Variants in SDK2 observed in about 807,000 individuals in gnomAD.
SDK2 encodes the protein sidekick cell adhesion molecule 2.
Under a neutral mutation model 253.9 loss-of-function variants are expected in SDK2, and 105 were observed. That is an observed-to-expected ratio of 0.41 (90% confidence interval 0.35 to 0.49). The LOEUF is 0.49. Ranked by LOEUF, SDK2 falls within the 20% of genes least tolerant of loss-of-function variation. SDK2 has a pLI of 0.06. For missense variants in SDK2, 2,608 were observed against 3,003.0 expected, an observed-to-expected ratio of 0.87 and a Z score of 3.07; for synonymous variants, 1,249 against 1,234.9, an observed-to-expected ratio of 1.01 and a Z score of -0.24.
chr17:73,462,029 G>A (rs2063566059), intron 3 of SDK2, among the ~76,000 whole-genome samples: 1 of 150,868 alleles, frequency 6.6e-6, no homozygotes, highest in Non-Finnish European at 1.5e-5. Context: ...ATGCATGTAT[G>A]TTTGTATGAT....
chr17:73,387,997 C>T lies in SDK2; in HGVS notation c.4233G>A (p.Glu1411=), dbSNP rs1447176338. 6.4e-7 allele frequency: 1 copy of T among 1,570,252 alleles called. No homozygotes were observed. Among genetic ancestry groups the T allele is most frequent in the Admixed American group, 1.9e-5 (1 of 53,216 alleles). ...QPPSRPMVQQ[E]DVRARSVLLS... is the part of the protein sequence containing the mutation. ...GCAGCACGCTGCGTGCTCTCACATC[C>T]TCCTGCTGCACCATCGGCCTGCTGG... Residue 1411 remains glutamate, a synonymous_variant, in exon 30 of 45, where the codon GAG becomes GAA. Transcript: ENST00000392650.
intron 18 of SDK2, among the ~76,000 whole-genome samples, chr17:73,407,169 CTG>C (rs1281487405): frequency 3.9e-5 from 6 of 152,230 alleles, no homozygotes; most frequent in Admixed American, 1.3e-4. Flanking sequence ...AGTGCTAAAA[CTG>C]TGGTATCTAA....
intron 1 of SDK2, among the ~76,000 whole-genome samples, chr17:73,585,939 A>G (rs1019389976): frequency 2.0e-5 from 3 of 152,216 alleles, no homozygotes; most frequent in Non-Finnish European, 4.4e-5. Context: ...GCATCCATAC[A>G]TATGTGTGTC....
At chr17:73,558,765 T>A (rs1476898435) in intron 1 of SDK2, among the ~76,000 whole-genome samples, 1 of 152,170 alleles carries the variant, frequency 6.6e-6, no homozygotes, top group Admixed American at 6.5e-5. Flanking sequence ...CCAAGCCATG[T>A]GTCTCTCCTA....
At chr17:73,434,636 C>T (rs1279680392) in intron 9 of SDK2, among the ~76,000 whole-genome samples, 1 of 152,146 alleles carries the variant, frequency 6.6e-6, no homozygotes, top group Non-Finnish European at 1.5e-5. Context: ...CTCACAGTAT[C>T]ATCTTTTTTC....
At chr17:73,598,258 G>C (rs371425736) in intron 1 of SDK2, among the ~76,000 whole-genome samples, 4 of 152,294 alleles carry the variant, frequency 2.6e-5, no homozygotes, top group Admixed American at 2.0e-4. Context: ...TGCTGGGTTT[G>C]GGAGACTCGG....
In SDK2 at chr17:73,455,941, G is replaced by T; in HGVS notation, c.444C>A (p.Phe148Leu). Residue 148 changes from phenylalanine to leucine, a missense_variant, in exon 4 of 45, where the codon TTC (phenylalanine) becomes TTA (leucine). Phe to Leu is a conservative substitution (Grantham distance 22). This residue lies in a region of SDK2 where 1,505 missense variants were observed against 1,859.1 expected (regional missense o/e 0.81). Transcript: ENST00000392650. The surrounding 1 kb of genome is among the most constrained non-coding windows in gnomAD (Gnocchi z 5.0). The stretch of plus-strand genomic sequence containing the variant: ...TGGGCGGGATCTTGCGGCCGTCCCG[G>T]AACCAGGTCACCTGTGGCTGGGGGA... ...ASFPQPQVTW[F>L]RDGRKIPPSS... 1 of 1,547,224 alleles carries T rather than the reference G, an allele frequency of 6.5e-7. No homozygotes were observed.
chr17:73,398,398 A>G lies in SDK2; in HGVS notation c.3125T>C (p.Leu1042Ser). Reference sequence around the variant, plus strand: ...CTCATTGGAGAGCTGGTGGATCAGCAACCACTCCTCTCCCTCCCCAACCAC... The same window carrying G: ...CTCATTGGAGAGCTGGTGGATCAGCGACCACTCCTCTCCCTCCCCAACCAC... ...VGVVGEGEEW[L>S]LIHQLSNEPD... The change falls in exon 23 of 45, where the codon TTG becomes TCG. Residue 1042 changes from leucine to serine, a missense_variant. By Grantham distance (145) the Leu-to-Ser change is moderately radical. Coordinates refer to ENST00000392650, the MANE Select transcript of SDK2 (RefSeq NM_001144952.2). 6.2e-7 allele frequency: 1 copy of G among 1,613,948 alleles called. No homozygotes were observed. The highest frequency in any genetic ancestry group is 8.5e-7 in the Non-Finnish European group (1 of 1,179,860).
chr17:73,406,242 C>T (rs1177130970), intron 18 of SDK2, among the ~76,000 whole-genome samples: 2 of 126,576 alleles, frequency 1.6e-5, no homozygotes, highest in South Asian at 3.0e-4. Flanking sequence ...GGGCCTACTA[C>T]ACTCTTTTTT....
intron 5 of SDK2, among the ~76,000 whole-genome samples, chr17:73,442,915 A>G (rs2063427173): frequency 6.6e-6 from 1 of 151,046 alleles, no homozygotes; most frequent in Non-Finnish European, 1.5e-5. Context: ...TTTTTAAAGT[A>G]GAGGCCAGAT....
At chr17:73,571,766 G>A (rs909773575) in intron 1 of SDK2, among the ~76,000 whole-genome samples, 9 of 152,126 alleles carry the variant, frequency 5.9e-5, no homozygotes, top group Non-Finnish European at 1.2e-4. Context: ...CCCGGCCAGC[G>A]CCCTGCCCTC....
chr17:73,522,998 T>C (rs1471168898), intron 1 of SDK2, among the ~76,000 whole-genome samples: 1 of 152,194 alleles, frequency 6.6e-6, no homozygotes, highest in Non-Finnish European at 1.5e-5. Flanking sequence ...CACAGCTTCT[T>C]AGCTTCTCTA....
At chr17:73,425,142 C>T (rs928979347) in intron 12 of SDK2, among the ~76,000 whole-genome samples, 13 of 152,112 alleles carry the variant, frequency 8.5e-5, no homozygotes, top group African/African-American at 3.1e-4. Context: ...ATCACTTGAA[C>T]CCGGGAAGTG....
chr17:73,525,511 G>A (rs1187226904), intron 1 of SDK2, among the ~76,000 whole-genome samples: 1 of 152,200 alleles, frequency 6.6e-6, no homozygotes, highest in Non-Finnish European at 1.5e-5. Flanking sequence ...ATTGTCAATA[G>A]GATGAATGAG....
chr17:73,432,777 C>T (rs1310354082), intron 10 of SDK2, among the ~76,000 whole-genome samples: 1 of 151,950 alleles, frequency 6.6e-6, no homozygotes. Flanking sequence ...CGTGTGTGTG[C>T]ACATGTGTAT....
rs1031816322 is a variant in SDK2, at chr17:73,447,715, C to T, written c.513G>A (p.Leu171=). The change falls in exon 5 of 45, where the codon CTG becomes CTA. Residue 171 remains leucine, a synonymous_variant. Transcript: ENST00000392650. The surrounding 1 kb of genome is among the most constrained non-coding windows in gnomAD (Gnocchi z 4.0). ...AITLENTLVI[L]STVAPDAGRY... ...GACCTGCGTCAGGGGCCACCGTTGA[C>T]AGGATGACAAGGGTGTTCTCCAGCG... The T allele has an allele frequency of 5.2e-6, 8 of 1,551,626 alleles. No individual in the cohort carries two copies. In the African/African-American group the frequency reaches 9.6e-5, roughly 19 times the overall value.
chr17:73,361,534 G>T lies in SDK2; in HGVS notation c.5467+150C>A. 2 of 697,246 alleles carry T rather than the reference G, an allele frequency of 2.9e-6. No individual in the cohort carries two copies. Among genetic ancestry groups the T allele is most frequent in the Non-Finnish European group, 4.6e-6 (2 of 433,284 alleles). The allele number at this position is 697,246 out of a possible 1,614,324, so 43.2% of individuals were successfully genotyped here. On this transcript the variant is annotated intron_variant, in intron 39 of 44. Transcript: ENST00000392650. This position sits in a 1 kb window ranked among gnomAD's most constrained non-coding sequence, Gnocchi z 4.1. ...TGGAGCCCGGGAGGAGGGAGCGGGGGGAGGGGTCACTGGGCACCAGGGGAA... is the reference window on the plus strand; with the variant it reads ...TGGAGCCCGGGAGGAGGGAGCGGGGTGAGGGGTCACTGGGCACCAGGGGAA...
intron 36 of SDK2, among the ~76,000 whole-genome samples, chr17:73,378,545 G>A (rs1024287823): frequency 3.3e-5 from 5 of 151,660 alleles, no homozygotes; most frequent in African/African-American, 1.2e-4. Context: ...TCAGCCTCTC[G>A]AATAGCTGGG....
chr17:73,558,308 C>T (rs1028539921), intron 1 of SDK2, among the ~76,000 whole-genome samples: 1 of 152,178 alleles, frequency 6.6e-6, no homozygotes, highest in African/African-American at 2.4e-5. Context: ...GCCAGATTTC[C>T]TGTGGAACCT....
Sources: allele counts gnomAD v4.1 joint callset (sites outside exome capture counted in the v4.1 genomes callset), GRCh38; gene constraint gnomAD v4.1.1; regional missense constraint gnomAD v4.1.1; non-coding constraint Gnocchi (gnomAD v3.1); transcripts MANE v1.5; gene names NCBI Gene and HGNC (gene_info 2026-07-23, HGNC 2026-07-21).